HSD11B2: variants seen among roughly 807,000 people sequenced by gnomAD.
HSD11B2 encodes the protein 11-beta-hydroxysteroid dehydrogenase type 2.
HSD11B2 carries 17 observed loss-of-function variants against 20.9 expected under a neutral mutation model. That is an observed-to-expected ratio of 0.81 (90% CI 0.56 to 1.22). HSD11B2 has a LOEUF of 1.22. Ranked by LOEUF, HSD11B2 falls within the 50% of genes most tolerant of loss-of-function variation. HSD11B2 has a pLI of 0.00. For synonymous variants in HSD11B2, 253 were observed against 255.4 expected (o/e 0.99, Z 0.09); for missense variants, 480 against 563.6 (o/e 0.85, Z 1.50).
Position 67,436,473 on chromosome 16 carries a change from C to A in HSD11B2, c.802+87C>A. Reference sequence around the variant, plus strand: ...GGGCAGGTCAGGTTTGATGAATGGTCATGGTTTTGGTTGGGGGTGTAGTTT... The same window carrying A: ...GGGCAGGTCAGGTTTGATGAATGGTAATGGTTTTGGTTGGGGGTGTAGTTT... On this transcript the variant is annotated intron_variant, in intron 4 of 4. Transcript: ENST00000326152. This position sits in a 1 kb window ranked among gnomAD's most constrained non-coding sequence, Gnocchi z 5.7. 1.3e-6 allele frequency: 2 copies of A among 1,536,568 alleles called. No individual in the cohort carries two copies. Among genetic ancestry groups the A allele is most frequent in the South Asian group, 1.2e-5 (1 of 84,928 alleles).
Position 67,436,391 on chromosome 16 carries a change from GAATCA to G in HSD11B2, c.802+6_802+10del. Reference sequence around the variant, plus strand: ...AGCCTGGCTGCTTCAAGACAGGTGGGAATCAGGGCTGGGGGTGGGGTGGGGGTGGG... The same window carrying G: ...AGCCTGGCTGCTTCAAGACAGGTGGGGGGCTGGGGGTGGGGTGGGGGTGGG... On this transcript the variant is annotated splice_donor_region_variant and intron_variant, in intron 4 of 4. Transcript: ENST00000326152. The surrounding 1 kb of genome is among the most constrained non-coding windows in gnomAD (Gnocchi z 5.7). The G allele has an allele frequency of 1.7e-6, 1 of 587,996 alleles. No individual in the cohort carries two copies. Among genetic ancestry groups the G allele is most frequent in the African/African-American group, 2.7e-5 (1 of 37,528 alleles). The allele number at this position is 587,996 out of a possible 1,614,324, so 36.4% of individuals were successfully genotyped here. A position where few individuals can be genotyped will look rare whatever the true frequency, so the allele number is the denominator to read the frequency against.
rs2549646 is a variant in HSD11B2 at position 67,436,553 on chromosome 16, C to G, written c.803-35C>G. ...TCCTAATTGGCTTTGGCTCCCCTAG[C>G]TGATCCCACTCTGACCTTGCCACTC... On this transcript the variant is annotated intron_variant, in intron 4 of 4. Coordinates refer to ENST00000326152, the MANE Select transcript of HSD11B2 (RefSeq NM_000196.4). The surrounding 1 kb of genome is among the most constrained non-coding windows in gnomAD (Gnocchi z 5.7). 1 of 1,612,858 alleles carries G rather than the reference C, an allele frequency of 6.2e-7. No individual in the cohort carries two copies. The highest frequency in any genetic ancestry group is 8.5e-7 in the Non-Finnish European group (1 of 1,179,446).
Position 67,436,135 on chromosome 16 carries a change from C to G in HSD11B2, c.657C>G (p.Ser219Arg). The change falls in exon 3 of 5, where the codon AGC becomes AGG. Residue 219 changes from serine to arginine, a missense_variant. By Grantham distance (110) the Ser-to-Arg change is moderately radical. Around this residue, in one of 2 missense-constraint regions of HSD11B2, gnomAD observed 374 missense variants for 480.9 expected, o/e 0.78. Transcript: ENST00000326152. The surrounding 1 kb of genome is among the most constrained non-coding windows in gnomAD (Gnocchi z 5.7). ...SSRGRIVTVG[S>R]PAGDMPYPCL... ...GGGGCCGCATCGTGACTGTGGGGAG[C>G]CCAGCGGGTGAGTGCCCCCCCCCAC... 1 of 1,613,670 alleles carries G rather than the reference C, an allele frequency of 6.2e-7. No homozygotes were observed. The highest frequency in any genetic ancestry group is 1.7e-5 in the Admixed American group (1 of 60,024).
Position 67,431,217 on chromosome 16 carries a change from C to T in HSD11B2, c.-32C>T. On this transcript the variant is annotated 5_prime_UTR_variant, in exon 1 of 5. Transcript: ENST00000326152. ...TCTCCCCGCTCCCCGGCCCGGCCCC[C>T]GCCCCGCCCCGCCCCAGCCCGCTGG... is the stretch of plus-strand genomic sequence containing the variant. 1 of 1,129,066 alleles carries T rather than the reference C, an allele frequency of 8.9e-7. No homozygotes were observed. The highest frequency in any genetic ancestry group is 1.1e-6 in the Non-Finnish European group (1 of 916,344). 69.9% of individuals were successfully genotyped at this position (1,129,066 alleles called of 1,614,324 possible). A position where few individuals can be genotyped will look rare whatever the true frequency, so the allele number is the denominator to read the frequency against.
chr16:67,431,501 G>A lies in HSD11B2; in HGVS notation c.253G>A (p.Val85Met). 1 of 1,402,028 alleles carries A rather than the reference G, an allele frequency of 7.1e-7. No individual in the cohort carries two copies. The highest frequency in any genetic ancestry group is 9.3e-7 in the Non-Finnish European group (1 of 1,076,222). The allele number at this position is 1,402,028 out of a possible 1,614,324, so 86.8% of individuals were successfully genotyped here. A position where few individuals can be genotyped will look rare whatever the true frequency, so the allele number is the denominator to read the frequency against. Residue 85 changes from valine (V) to methionine (M), a missense_variant, in exon 1 of 5, where the codon GTG becomes ATG. Physicochemically the swap from Val to Met is conservative, Grantham distance 21 (BLOSUM62 1). Transcript: ENST00000326152. ...PQRLPVATRA[V>M]LITGCDSGFG... ...GCGCCTGCCGGTGGCCACTCGCGCGGTGCTCATCACCGGTGAGTGCGCGGG... is the reference window on the plus strand; with the variant it reads ...GCGCCTGCCGGTGGCCACTCGCGCGATGCTCATCACCGGTGAGTGCGCGGG...
Position 67,436,069 on chromosome 16 carries a change from C to T in HSD11B2, c.591C>T (p.Leu197=), listed in dbSNP as rs758536896. 3.7e-6 allele frequency: 6 copies of T among 1,614,050 alleles called. No homozygotes were observed. In the African/African-American group the frequency reaches 4.0e-5, roughly 11 times the overall value. ...TGGAGGTGAATTTCTTTGGCGCGCTCGAGCTGACCAAGGGCCTCCTGCCCC... is the reference window on the plus strand; with the variant it reads ...TGGAGGTGAATTTCTTTGGCGCGCTTGAGCTGACCAAGGGCCTCCTGCCCC... The part of the protein sequence containing the change: ...SCMEVNFFGA[L]ELTKGLLPLL... Residue 197 remains leucine (L), a synonymous_variant, in exon 3 of 5, where the codon CTC becomes CTT. Transcript: ENST00000326152. The surrounding 1 kb of genome is among the most constrained non-coding windows in gnomAD (Gnocchi z 5.7).
At chr16:67,434,996 T>C (rs1429661272) in intron 1 of HSD11B2, among the ~76,000 whole-genome samples, 1 of 144,980 alleles carries the variant, frequency 6.9e-6, no homozygotes, top group East Asian at 2.1e-4. Context: ...GCCACTGCAC[T>C]CCAGCCTGGG....
chr16:67,431,550 C>A (rs56106309), intron 1 of HSD11B2, 37 bp downstream of exon 1: 17 of 1,327,428 alleles, frequency 1.3e-5, no homozygotes, highest in Admixed American at 1.0e-4. Context: ...GGACTCCAGG[C>A]TCGAGGGCGG....
chr16:67,437,192 C>A lies in HSD11B2; in HGVS notation c.*189C>A. On this transcript the variant is annotated 3_prime_UTR_variant, in exon 5 of 5. Coordinates refer to ENST00000326152, the MANE Select transcript of HSD11B2 (RefSeq NM_000196.4). ...GGTGAGGCCAAGGTTTCCCAGTGAG[C>A]CTCTGCGCCTCTCCACTGTTTCATG... 1.6e-6 allele frequency: 1 copy of A among 626,982 alleles called. No homozygotes were observed. Among genetic ancestry groups the A allele is most frequent in the Non-Finnish European group, 2.8e-6 (1 of 359,566 alleles). The allele number at this position is 626,982 out of a possible 1,614,324, so 38.8% of individuals were successfully genotyped here.
In HSD11B2 at chr16:67,435,794, C is replaced by T. The variant is rs2040965377; in HGVS notation, c.432C>T (p.Asp144=). The change falls in exon 2 of 5, where the codon GAC becomes GAT. Residue 144 remains aspartate (D), a synonymous_variant. Transcript: ENST00000326152. ...AGATGGACCTGACCAAACCAGGAGA[C>T]ATTAGCCGCGTGCTAGAGTTCACCA... The part of the protein sequence containing the change: ...LLQMDLTKPG[D]ISRVLEFTKA... 3 of 1,614,090 alleles carry T rather than the reference C, an allele frequency of 1.9e-6. No homozygotes were observed. The highest frequency in any genetic ancestry group is 1.7e-6 in the Non-Finnish European group (2 of 1,180,042).
intron 1 of HSD11B2, 69 bp downstream of exon 1, chr16:67,431,582 G>T: frequency 1.6e-6 from 2 of 1,232,690 alleles, no homozygotes; most frequent in South Asian, 5.6e-5. Flanking sequence ...CAACAGGACT[G>T]ACTCCCCATG....
chr16:67,431,522 G>T lies in HSD11B2; in HGVS notation c.265+9G>T. The T allele has an allele frequency of 1.5e-6, 2 of 1,373,084 alleles. No homozygotes were observed. Among genetic ancestry groups the T allele is most frequent in the Non-Finnish European group, 1.9e-6 (2 of 1,062,712 alleles). The allele number at this position is 1,373,084 out of a possible 1,614,324, so 85.1% of individuals were successfully genotyped here. A position where few individuals can be genotyped will look rare whatever the true frequency, so the allele number is the denominator to read the frequency against. ...CGCGGTGCTCATCACCGGTGAGTGCGCGGGTCGCGGAGCGCGGGGACTCCA... is the reference window on the plus strand; with the variant it reads ...CGCGGTGCTCATCACCGGTGAGTGCTCGGGTCGCGGAGCGCGGGGACTCCA... On this transcript the variant is annotated intron_variant, in intron 1 of 4. Transcript: ENST00000326152.
intron 1 of HSD11B2, among the ~76,000 whole-genome samples, chr16:67,433,474 C>T (rs55836920): frequency 2.6e-5 from 4 of 152,090 alleles, no homozygotes; most frequent in Non-Finnish European, 5.9e-5. Flanking sequence ...GGATTGAGCC[C>T]GTTGTGAGAA....
At position 67,431,380 on chromosome 16, in the gene HSD11B2, C is replaced by T; in HGVS notation, c.132C>T (p.Leu44=). Residue 44 remains leucine, a synonymous_variant, in exon 1 of 5, where the codon CTC becomes CTT. Coordinates refer to ENST00000326152, the MANE Select transcript of HSD11B2 (RefSeq NM_000196.4). ...CGGCGCTGGCGCTGCTGGCCGCGCT[C>T]GACTGGCTGTGCCAGCGCCTGCTGC... ...LLAALALLAA[L]DWLCQRLLPP... is the part of the protein sequence containing the mutation. 7.9e-7 allele frequency: 1 copy of T among 1,264,370 alleles called. No individual in the cohort carries two copies. Among genetic ancestry groups the T allele is most frequent in the Non-Finnish European group, 1.0e-6 (1 of 998,978 alleles). 78.3% of individuals were successfully genotyped at this position (1,264,370 alleles called of 1,614,324 possible).
rs2040932170 is a variant in HSD11B2 at position 67,431,397 on chromosome 16, G to C, written c.149G>C (p.Arg50Pro). 4 of 1,269,612 alleles carry C rather than the reference G, an allele frequency of 3.2e-6. No individual in the cohort carries two copies. The highest frequency in any genetic ancestry group is 4.0e-6 in the Non-Finnish European group (4 of 1,007,782). 78.6% of individuals were successfully genotyped at this position (1,269,612 alleles called of 1,614,324 possible). A position where few individuals can be genotyped will look rare whatever the true frequency, so the allele number is the denominator to read the frequency against. Residue 50 changes from arginine to proline, a missense_variant, in exon 1 of 5, where the codon CGC becomes CCC. By Grantham distance (103) the Arg-to-Pro change is moderately radical. Coordinates refer to ENST00000326152, the MANE Select transcript of HSD11B2 (RefSeq NM_000196.4). ...LLAALDWLCQ[R>P]LLPPPAALAV... ...GCCGCGCTCGACTGGCTGTGCCAGC[G>C]CCTGCTGCCCCCGCCGGCCGCACTC...
chr16:67,436,546 C>T lies in HSD11B2; in HGVS notation c.803-42C>T, dbSNP rs772668004. On this transcript the variant is annotated intron_variant, in intron 4 of 4. Coordinates refer to ENST00000326152, the MANE Select transcript of HSD11B2 (RefSeq NM_000196.4). The surrounding 1 kb of genome is among the most constrained non-coding windows in gnomAD (Gnocchi z 5.7). ...TAAACAGTCCTAATTGGCTTTGGCT[C>T]CCCTAGCTGATCCCACTCTGACCTT... 11 of 1,611,570 alleles carry T rather than the reference C, an allele frequency of 6.8e-6. No homozygotes were observed. Among genetic ancestry groups the T allele is most frequent in the Non-Finnish European group, 9.3e-6 (11 of 1,178,724 alleles).
rs2040975145 is a variant in HSD11B2, at chr16:67,436,519, GTTAAACAGTCCTAATTGGC to G, written c.803-66_803-48del. 1 of 1,593,666 alleles carries G rather than the reference GTTAAACAGTCCTAATTGGC, an allele frequency of 6.3e-7. No homozygotes were observed. Among genetic ancestry groups the G allele is most frequent in the African/African-American group, 1.3e-5 (1 of 74,184 alleles). On this transcript the variant is annotated intron_variant, in intron 4 of 4. Transcript: ENST00000326152. This position sits in a 1 kb window ranked among gnomAD's most constrained non-coding sequence, Gnocchi z 5.7. ...AGTTTTGGCTGCAGACCTGGCGCGG[GTTAAACAGTCCTAATTGGC>G]TTTGGCTCCCCTAGCTGATCCCACT...
intron 1 of HSD11B2, among the ~76,000 whole-genome samples, chr16:67,433,392 G>A (rs1424236257): frequency 6.6e-6 from 1 of 152,156 alleles, no homozygotes; most frequent in Non-Finnish European, 1.5e-5. Flanking sequence ...TCAGCTGTGG[G>A]ATCAGGGTTT....
rs2040964616 is a variant in HSD11B2 at position 67,435,711 on chromosome 16, A to T, written c.349A>T (p.Asn117Tyr). The stretch of plus-strand genomic sequence containing the variant: ...GGTGCTGGCCACCGTATTGGAGTTG[A>T]ACAGCCCCGGTGCCATCGAGCTGCG... Reference protein sequence around the residue: ...FTVLATVLELNSPGAIELRTC... With the variant: ...FTVLATVLELYSPGAIELRTC... The change falls in exon 2 of 5, where the codon AAC becomes TAC. Residue 117 changes from asparagine to tyrosine, a missense_variant. Coordinates refer to ENST00000326152, the MANE Select transcript of HSD11B2 (RefSeq NM_000196.4). 1 of 1,613,852 alleles carries T rather than the reference A, an allele frequency of 6.2e-7. No homozygotes were observed. The highest frequency in any genetic ancestry group is 1.3e-5 in the African/African-American group (1 of 74,902).
Sources: gnomAD v4.1 joint callset for allele counts (sites outside exome capture counted in the v4.1 genomes callset) on GRCh38, gnomAD v4.1.1 for gene constraint, gnomAD v4.1.1 regional missense constraint, Gnocchi (gnomAD v3.1) non-coding constraint, MANE v1.5 for transcripts, NCBI Gene and HGNC (gene_info 2026-07-23, HGNC 2026-07-21) for gene names.